ADAMTS17: variants seen among roughly 807,000 people sequenced by gnomAD.
The protein encoded by ADAMTS17 is A disintegrin and metalloproteinase with thrombospondin motifs 17.
Under a neutral mutation model 141.5 loss-of-function variants are expected in ADAMTS17, and 113 were observed. The ratio of observed to expected loss-of-function variants is 0.80; its 90% confidence interval spans 0.69 to 0.93. The LOEUF is 0.93. Ranked by LOEUF, ADAMTS17 falls within the 40% of genes least tolerant of loss-of-function variation. ADAMTS17 has a pLI of 0.00. For synonymous variants in ADAMTS17, 768 were observed against 630.6 expected (o/e 1.22, Z -3.27); for missense variants, 1,659 against 1,517.9 (o/e 1.09, Z -1.54).
chr15:99,978,515 C>A (rs897325744), intron 20 of ADAMTS17: 1 of 152,228 alleles, frequency 6.6e-6, no homozygotes, highest in Non-Finnish European at 1.5e-5. Flanking sequence ...CTTAGATAAA[C>A]CCTTCGGAGG....
intron 15 of ADAMTS17, among the ~76,000 whole-genome samples, chr15:100,064,225 T>A (rs759375596): frequency 4.6e-5 from 7 of 152,170 alleles, no homozygotes; most frequent in Non-Finnish European, 1.0e-4. Flanking sequence ...CGCCACAGAC[T>A]GCCAGCAAAC....
intron 4 of ADAMTS17, among the ~76,000 whole-genome samples, chr15:100,279,334 G>T (rs370070457): frequency 6.6e-5 from 10 of 152,174 alleles, no homozygotes; most frequent in Admixed American, 1.3e-4. Context: ...AAACAAAGGC[G>T]CCTGTGGCCT....
chr15:100,015,618 T>A (rs1596233933), intron 18 of ADAMTS17, among the ~76,000 whole-genome samples: 1 of 152,202 alleles, frequency 6.6e-6, no homozygotes, highest in East Asian at 1.9e-4. Flanking sequence ...CTTTCCTTCA[T>A]ATATGATGCT....
chr15:100,131,872 C>T, intron 12 of ADAMTS17, 135 bp downstream of exon 12: 1 of 1,382,028 alleles, frequency 7.2e-7, no homozygotes, highest in Non-Finnish European at 1.0e-6. Context: ...GCACCCTGGA[C>T]CTTGGCTGGG....
chr15:100,132,011 G>A lies in ADAMTS17; in HGVS notation c.1717C>T (p.Pro573Ser). 1.2e-6 allele frequency: 2 copies of A among 1,614,230 alleles called. No homozygotes were observed. The highest frequency in any genetic ancestry group is 1.7e-6 in the Non-Finnish European group (2 of 1,180,046). Residue 573 changes from proline (P) to serine (S), a missense_variant, in exon 12 of 22, where the codon CCC (proline) becomes TCC (serine). Transcript: ENST00000268070. ...ATGGCTGGTCAGGGGACTTACGGGG[G>A]GTTGTCACATTTCCTCTGCCTGAAG... ...ARFRQRKCDN[P>S]PPGPGGTHCP...
At chr15:100,187,187 G>A (rs1021387638) in intron 8 of ADAMTS17, among the ~76,000 whole-genome samples, 3 of 152,168 alleles carry the variant, frequency 2.0e-5, no homozygotes, top group Admixed American at 6.5e-5. Context: ...TTGAGACGGA[G>A]ATAAGCATGC....
chr15:100,161,539 G>A (rs1289882324), intron 8 of ADAMTS17, among the ~76,000 whole-genome samples: 1 of 152,180 alleles, frequency 6.6e-6, no homozygotes, highest in Non-Finnish European at 1.5e-5. Context: ...CTATTCAATA[G>A]ATGCTTATTG....
chr15:100,261,793 C>T (rs192320086), intron 5 of ADAMTS17, among the ~76,000 whole-genome samples, 157 bp from the exon 6 acceptor site: 52 of 152,198 alleles, frequency 3.4e-4, no homozygotes, highest in Admixed American at 2.4e-3. Flanking sequence ...CTAGTGGGTA[C>T]GTGGCATAGA....
chr15:100,201,737 C>T (rs1251827428), intron 7 of ADAMTS17, among the ~76,000 whole-genome samples: 1 of 151,844 alleles, frequency 6.6e-6, no homozygotes, highest in Non-Finnish European at 1.5e-5. Flanking sequence ...GTGGATGTCA[C>T]AACCCAGCAA....
At chr15:100,307,857 C>A (rs545886211) in intron 3 of ADAMTS17, among the ~76,000 whole-genome samples, 30 of 152,334 alleles carry the variant, frequency 2.0e-4, no homozygotes, top group African/African-American at 7.2e-4. Context: ...CACACCTGGA[C>A]GACAGTCTTG....
At chr15:100,317,595 G>A (rs8028730) in intron 3 of ADAMTS17, among the ~76,000 whole-genome samples, 2,954 of 152,258 alleles carry the variant, frequency 0.019, 39 homozygotes, top group Middle Eastern at 0.034. Flanking sequence ...CGCAGGGCAC[G>A]CAAGAAACAC....
At chr15:100,097,377 G>T (rs1028234136) in intron 14 of ADAMTS17, among the ~76,000 whole-genome samples, 23 of 152,174 alleles carry the variant, frequency 1.5e-4, no homozygotes, top group African/African-American at 4.6e-4. Context: ...GGGATCTACA[G>T]CCAGAACTCA....
chr15:100,172,432 T>A (rs766710433), intron 8 of ADAMTS17, among the ~76,000 whole-genome samples: 1 of 152,304 alleles, frequency 6.6e-6, no homozygotes, highest in African/African-American at 2.4e-5. Flanking sequence ...GTAAACAAAA[T>A]TTTCCACCAG....
At chr15:100,248,021 C>T (rs1263981992) in intron 7 of ADAMTS17, among the ~76,000 whole-genome samples, 1 of 152,026 alleles carries the variant, frequency 6.6e-6, no homozygotes, top group Non-Finnish European at 1.5e-5. Flanking sequence ...AGGAGGGGGT[C>T]CTTCTCCCCA....
chr15:100,053,390 T>C (rs78433096), intron 16 of ADAMTS17, among the ~76,000 whole-genome samples: 1 of 152,148 alleles, frequency 6.6e-6, no homozygotes, highest in Non-Finnish European at 1.5e-5. Context: ...ACCCACATCA[T>C]CTGATCCCCC....
rs1230018006 is a variant in ADAMTS17 at position 100,199,333 on chromosome 15, T to C, written c.1166A>G (p.His389Arg). The C allele has an allele frequency of 4.3e-6, 7 of 1,614,098 alleles. No homozygotes were observed. The highest frequency in any genetic ancestry group is 5.9e-6 in the Non-Finnish European group (7 of 1,180,026). Residue 389 changes from histidine to arginine, a missense_variant, in exon 8 of 22, where the codon CAT (histidine) becomes CGT (arginine). Transcript: ENST00000268070. Reference sequence around the variant, plus strand: ...TGATACTTACTTGTGGCCCAGCTCATGGGCGATGGTAAAGGCCAAATTGAG... The same window carrying C: ...TGATACTTACTTGTGGCCCAGCTCACGGGCGATGGTAAAGGCCAAATTGAG... The part of the protein sequence containing the change: ...NGLNLAFTIA[H>R]ELGHNLGMNH...
intron 18 of ADAMTS17, among the ~76,000 whole-genome samples, chr15:100,025,380 C>G (rs1245052633): frequency 2.6e-5 from 4 of 150,962 alleles, no homozygotes; most frequent in African/African-American, 9.7e-5. Context: ...TCTTTGTGAG[C>G]CAATTTGACA....
chr15:99,993,287 G>A lies in ADAMTS17; in HGVS notation c.2797-87C>T. 6.5e-7 allele frequency: 1 copy of A among 1,550,258 alleles called. No homozygotes were observed. The highest frequency in any genetic ancestry group is 8.9e-7 in the Non-Finnish European group (1 of 1,127,964). On this transcript the variant is annotated intron_variant, in intron 19 of 21. Transcript: ENST00000268070. The surrounding 1 kb of genome is among the most constrained non-coding windows in gnomAD (Gnocchi z 4.3). ...ATTAACTCCCTCCAATGTGCCAGGT[G>A]CGGTGTGGGGATGATACAAAGATGA...
intron 8 of ADAMTS17, among the ~76,000 whole-genome samples, chr15:100,197,590 A>C (rs1018619379): frequency 6.6e-6 from 1 of 152,218 alleles, no homozygotes; most frequent in Non-Finnish European, 1.5e-5. Context: ...CAGTATTTTT[A>C]AAAATAGTGT....
Sources: gnomAD v4.1 joint callset for allele counts (sites outside exome capture counted in the v4.1 genomes callset) on GRCh38, gnomAD v4.1.1 for gene constraint, Gnocchi (gnomAD v3.1) non-coding constraint, MANE v1.5 for transcripts, NCBI Gene and HGNC (gene_info 2026-07-23, HGNC 2026-07-21) for gene names.